ADGRL3: variants seen among roughly 807,000 people sequenced by gnomAD.
The protein encoded by ADGRL3 is calcium-independent alpha-latrotoxin receptor 3.
Under a neutral mutation model 153.5 loss-of-function variants are expected in ADGRL3, and 62 were observed. The ratio of observed to expected loss-of-function variants is 0.40; its 90% CI spans 0.33 to 0.50. The LOEUF is 0.50. Among genes scored for constraint, ADGRL3 ranks in the 20% least tolerant of loss-of-function variants. The probability of loss-of-function intolerance (pLI) is 0.47; values close to 1 mark genes in which losing one functional copy is unlikely to be tolerated. For missense variants in ADGRL3, 1,641 were observed against 1,859.4 expected, an observed-to-expected ratio of 0.88 and a Z score of 2.16; for synonymous variants, 710 against 672.5, an observed-to-expected ratio of 1.06 and a Z score of -0.86.
At chr4:61,804,314 T>C (rs1221569401) in intron 8 of ADGRL3, among the ~76,000 whole-genome samples, 2 of 152,138 alleles carry the variant, frequency 1.3e-5, no homozygotes, top group Middle Eastern at 3.2e-3. Context: ...TAACATGCTG[T>C]CAAATCTTGC....
rs1338939027 is a variant in ADGRL3 at position 61,988,925 on chromosome 4, AAAATAATTG to A, written c.3236+5327_3236+5335del. 7.0e-4 allele frequency among the ~76,000 whole-genome samples: 106 copies of A among 152,300 alleles called. 1 individual carries two copies. The highest frequency in any genetic ancestry group is 2.5e-3 in the African/African-American group (102 of 41,596). ...TCCTAGAAGAATAGCCAAGCTGTTAAAAATAATTGAAATCAAATTTTATGATCTGAAAAT... is the reference window on the plus strand; with the variant it reads ...TCCTAGAAGAATAGCCAAGCTGTTAAAAATCAAATTTTATGATCTGAAAAT... On this transcript the variant is annotated intron_variant, in intron 19 of 26. Coordinates refer to ENST00000683033, the MANE Select transcript of ADGRL3 (RefSeq NM_001387552.1).
intron 1 of ADGRL3, among the ~76,000 whole-genome samples, chr4:61,301,690 T>C (rs1035755642): frequency 6.6e-5 from 10 of 152,324 alleles, no homozygotes; most frequent in Admixed American, 3.3e-4. Flanking sequence ...CTTCTTTTAC[T>C]CTTCTAGAGG....
chr4:62,019,549 A>G (rs1335580834), intron 21 of ADGRL3, among the ~76,000 whole-genome samples: 2 of 152,048 alleles, frequency 1.3e-5, no homozygotes, highest in Non-Finnish European at 2.9e-5. Flanking sequence ...ATATTTCTTA[A>G]TGTTTTTCTC....
intron 2 of ADGRL3, among the ~76,000 whole-genome samples, chr4:61,473,484 A>T (rs1168254196): frequency 1.3e-5 from 2 of 152,062 alleles, no homozygotes; most frequent in African/African-American, 4.8e-5. Flanking sequence ...CCCTGAATAG[A>T]ACATGGATCC....
intron 2 of ADGRL3, among the ~76,000 whole-genome samples, chr4:61,414,472 A>G (rs1278448770): frequency 6.6e-6 from 1 of 152,118 alleles, no homozygotes; most frequent in Non-Finnish European, 1.5e-5. Flanking sequence ...AAATTTTATT[A>G]TCTTAAATTT....
At chr4:61,382,427 G>A (rs2096680761) in intron 1 of ADGRL3, among the ~76,000 whole-genome samples, 1 of 151,338 alleles carries the variant, frequency 6.6e-6, no homozygotes. Context: ...AATATCTAAA[G>A]AAAATACTTT....
At chr4:61,961,850 A>G (rs558319927) in intron 17 of ADGRL3, among the ~76,000 whole-genome samples, 11 of 152,352 alleles carry the variant, frequency 7.2e-5, no homozygotes, top group African/African-American at 2.4e-4. Context: ...AACCATTAAA[A>G]TCATTTTATT....
intron 2 of ADGRL3, among the ~76,000 whole-genome samples, chr4:61,452,652 G>A (rs1466702135): frequency 3.3e-5 from 5 of 152,028 alleles, no homozygotes; most frequent in Admixed American, 1.3e-4. Context: ...TATATAAGTC[G>A]AATCCTCTAT....
chr4:61,520,652 C>CTGTGTG (rs545112505), intron 4 of ADGRL3, among the ~76,000 whole-genome samples: 2,336 of 118,556 alleles, frequency 0.02, 87 homozygotes, highest in African/African-American at 0.067. Context: ...CTATAAACCT[C>CTGTGTG]TGTGTGTGTG....
intron 21 of ADGRL3, among the ~76,000 whole-genome samples, chr4:62,015,839 A>G (rs937307382): frequency 1.3e-5 from 2 of 151,782 alleles, no homozygotes; most frequent in Admixed American, 1.3e-4. Context: ...TGCTATTACA[A>G]ATATCTTCTT....
intron 1 of ADGRL3, among the ~76,000 whole-genome samples, chr4:61,223,955 CTTAA>C (rs1331347037): frequency 3.3e-5 from 5 of 151,952 alleles, no homozygotes; most frequent in African/African-American, 9.7e-5. Flanking sequence ...TCATGCATTG[CTTAA>C]TTAATCAACA....
chr4:61,903,650 C>CAAAAAAAAAAAAAAAAA (rs55879235), intron 11 of ADGRL3, among the ~76,000 whole-genome samples: 2 of 72,358 alleles, frequency 2.8e-5, no homozygotes, highest in Admixed American at 2.5e-4. Context: ...TGGGAAACAG[C>CAAAAAAAAAAAAAAAAA]AAAAAAAAAA....
chr4:61,756,381 A>G (rs2096830630), intron 8 of ADGRL3, among the ~76,000 whole-genome samples: 1 of 152,108 alleles, frequency 6.6e-6, no homozygotes, highest in Non-Finnish European at 1.5e-5. Context: ...CTTTGAAGCA[A>G]TTGTGAATGG....
chr4:61,354,456 A>T (rs1270296717), intron 1 of ADGRL3, among the ~76,000 whole-genome samples: 5 of 152,184 alleles, frequency 3.3e-5, no homozygotes, highest in Non-Finnish European at 7.4e-5. Flanking sequence ...TGTTAAAATG[A>T]TAAGAAATTT....
At chr4:61,933,116 G>C (rs2098824471) in intron 13 of ADGRL3, among the ~76,000 whole-genome samples, 1 of 151,848 alleles carries the variant, frequency 6.6e-6, no homozygotes. Flanking sequence ...AGCTAAAATG[G>C]CTGCTCCATA....
At chr4:62,013,843 G>A (rs1353756249) in intron 21 of ADGRL3, among the ~76,000 whole-genome samples, 5 of 151,704 alleles carry the variant, frequency 3.3e-5, no homozygotes, top group Admixed American at 6.6e-5. Flanking sequence ...AGCCGAGATC[G>A]CACCACTGCA....
At chr4:61,813,125 T>C (rs1490151187) in intron 8 of ADGRL3, among the ~76,000 whole-genome samples, 4 of 152,190 alleles carry the variant, frequency 2.6e-5, no homozygotes, top group African/African-American at 9.7e-5. Flanking sequence ...CTGGGCTCAG[T>C]GGCTCAAGTC....
intron 5 of ADGRL3, among the ~76,000 whole-genome samples, chr4:61,640,330 A>G (rs1366962304): frequency 6.6e-6 from 1 of 152,174 alleles, no homozygotes; most frequent in African/African-American, 2.4e-5. Context: ...TCCCTCAGAC[A>G]AGATTCACCA....
At chr4:61,483,695 C>A (rs1416952164) in intron 2 of ADGRL3, among the ~76,000 whole-genome samples, 1 of 151,958 alleles carries the variant, frequency 6.6e-6, no homozygotes, top group Non-Finnish European at 1.5e-5. Flanking sequence ...CGAGATCATG[C>A]CACTGCACTC....
Sources: gnomAD v4.1 joint callset for allele counts (sites outside exome capture counted in the v4.1 genomes callset) on GRCh38, gnomAD v4.1.1 for gene constraint, MANE v1.5 for transcripts, NCBI Gene and HGNC (gene_info 2026-07-23, HGNC 2026-07-21) for gene names.